The following TRABD variants were observed in gnomAD, a reference collection of about 807,000 sequenced individuals.
The protein encoded by TRABD is traB domain-containing protein.
In TRABD, 23 loss-of-function variants were observed where a neutral mutation model predicts 39.6. That is an observed-to-expected ratio of 0.58 (90% confidence interval 0.42 to 0.82). The LOEUF (loss-of-function observed/expected upper bound fraction) is 0.82, where lower values mean the gene tolerates loss of function less well. Ranked by LOEUF, TRABD falls within the 40% of genes least tolerant of loss-of-function variation. The pLI is 0.00. For missense variants in TRABD, 487 were observed against 544.9 expected (o/e 0.89, Z 1.06); for synonymous variants, 243 against 232.1 (o/e 1.05, Z -0.43).
At chr22:50,188,536 C>T (rs902404451) in intron 1 of TRABD, among the ~76,000 whole-genome samples, 1 of 152,232 alleles carries the variant, frequency 6.6e-6, no homozygotes, top group Non-Finnish European at 1.5e-5. Flanking sequence ...AGACGGGCCC[C>T]CGCGGCGTCC....
chr22:50,197,710 G>T lies in TRABD; in HGVS notation c.672-113G>T, dbSNP rs193274007. The T allele has an allele frequency of 2.9e-4, 456 of 1,567,552 alleles. 4 individuals carry two copies. The East Asian group carries it at 9.8e-3, about 34-fold the overall frequency. ...AAGGCCTTCCCTGCCCTTTCCTTCC[G>T]CCACAAATCCCAAACAAACGTGCTG... On this transcript the variant is annotated intron_variant, in intron 7 of 9. Coordinates refer to ENST00000380909, the MANE Select transcript of TRABD (RefSeq NM_001320485.2).
rs188671157 is a variant in TRABD at position 50,191,034 on chromosome 22, C to T, written c.-34-1993C>T. Among the ~76,000 whole-genome samples the T allele has an allele frequency of 1.1e-3, 170 of 152,346 alleles. 3 individuals are homozygous for T. Among genetic ancestry groups the T allele is most frequent in the Admixed American group, 0.01 (158 of 15,308 alleles). ...GGAGCCTGCCTGTGGAGCGGGCCCC[C>T]CTTGCCCTCTGCAGAGGCTCAAGGC... On this transcript the variant is annotated intron_variant, in intron 1 of 9. Transcript: ENST00000380909.
chr22:50,194,285 C>G (rs369827652), intron 3 of TRABD, 55 bp from the exon 4 acceptor site: 2 of 1,580,954 alleles, frequency 1.3e-6, no homozygotes, highest in Non-Finnish European at 1.7e-6. Flanking sequence ...CCAGCGGGCC[C>G]GGCGGCGTCC....
Position 50,199,383 on chromosome 22 carries a change from C to T in TRABD, c.*864C>T, listed in dbSNP as rs1602480220. 2.6e-6 allele frequency: 1 copy of T among 390,758 alleles called. No homozygotes were observed. 24.2% of individuals were successfully genotyped at this position (390,758 alleles called of 1,614,324 possible). A position where few individuals can be genotyped will look rare whatever the true frequency, so the allele number is the denominator to read the frequency against. On this transcript the variant is annotated 3_prime_UTR_variant, in exon 10 of 10. Coordinates refer to ENST00000380909, the MANE Select transcript of TRABD (RefSeq NM_001320485.2). The stretch of plus-strand genomic sequence containing the variant: ...GGCCAGGCCTGTCCCGCTCAGGCCC[C>T]CTGCCCGGCGGCCGTCTGTGTGCGG...
intron 1 of TRABD, among the ~76,000 whole-genome samples, chr22:50,189,993 T>C (rs2063854186): frequency 6.6e-6 from 1 of 152,188 alleles, no homozygotes; most frequent in Admixed American, 6.5e-5. Context: ...CAGCCATAAA[T>C]GTCTGAGAGC....
chr22:50,197,555 C>G lies in TRABD; in HGVS notation c.638C>G (p.Ala213Gly). 5.0e-6 allele frequency: 8 copies of G among 1,613,472 alleles called. No homozygotes were observed. Among genetic ancestry groups the G allele is most frequent in the Non-Finnish European group, 6.8e-6 (8 of 1,180,028 alleles). The change falls in exon 7 of 10, where the codon GCT (alanine) becomes GGT (glycine). Residue 213 changes from alanine to glycine, a missense_variant. Ala to Gly is a moderately conservative substitution (Grantham distance 60). This residue lies in a region of TRABD where 358 missense variants were observed against 414.7 expected (regional missense o/e 0.86). Transcript: ENST00000380909. ...ALSFWQKVRL[A>G]WGLCFLSDPI... is the part of the protein sequence containing the mutation. ...TCCTTCTGGCAGAAGGTCAGGCTGG[C>G]TTGGGGCCTGTGCTTCCTGTCAGAC...
rs2064198267 is a variant in TRABD at position 50,198,289 on chromosome 22, G to GC, written c.957-55dup. On this transcript the variant is annotated intron_variant, in intron 9 of 9. Coordinates refer to ENST00000380909, the MANE Select transcript of TRABD (RefSeq NM_001320485.2). The surrounding 1 kb of genome is among the most constrained non-coding windows in gnomAD (Gnocchi z 7.9). ...ATGCGGCAGTGACCCAGGCATGGGG[G>GC]CTGGGGTATGGGGAGCCCACCCCCA... 6.6e-7 allele frequency: 1 copy of GC among 1,515,134 alleles called. No homozygotes were observed. Among genetic ancestry groups the GC allele is most frequent in the Non-Finnish European group, 9.0e-7 (1 of 1,116,836 alleles). The allele number at this position is 1,515,134 out of a possible 1,614,324, so 93.9% of individuals were successfully genotyped here.
chr22:50,193,490 A>G (rs1039131293), intron 2 of TRABD, 86 bp from the exon 3 acceptor site: 12 of 1,300,530 alleles, frequency 9.2e-6, no homozygotes, highest in African/African-American at 1.5e-5. Context: ...GTCCCTTTCC[A>G]GGGTACGTGG....
At chr22:50,195,107 A>G in intron 5 of TRABD, 67 bp downstream of exon 5, 1 of 1,490,260 alleles carries the variant, frequency 6.7e-7, no homozygotes, top group Non-Finnish European at 8.9e-7. Flanking sequence ...CCTGTTGCCC[A>G]GGTTCCTCTC....
chr22:50,196,328 G>A (rs563496011), intron 5 of TRABD, among the ~76,000 whole-genome samples: 36 of 152,232 alleles, frequency 2.4e-4, no homozygotes, highest in Non-Finnish European at 2.9e-4. Context: ...GGGAAACACG[G>A]GCACTCCATC....
intron 7 of TRABD, 79 bp downstream of exon 7, chr22:50,197,667 C>G: frequency 6.3e-7 from 1 of 1,584,208 alleles, no homozygotes; most frequent in Non-Finnish European, 8.6e-7. Context: ...CAGGTCCAAG[C>G]GCAGCCAATC....
chr22:50,197,763 A>AGGGCCCCCCCCCCCCCCCCCCCG, intron 7 of TRABD, 60 bp from the exon 8 acceptor site: 1 of 1,439,780 alleles, frequency 6.9e-7, no homozygotes, highest in Non-Finnish European at 9.7e-7. Flanking sequence ...CCACAGTGCC[A>AGGGCCCCCCCCCCCCCCCCCCCG]GCCCCACCCC....
rs771995856 is a variant in TRABD at position 50,199,079 on chromosome 22, G to C, written c.*560G>C. 2 of 714,762 alleles carry C rather than the reference G, an allele frequency of 2.8e-6. No homozygotes were observed. The highest frequency in any genetic ancestry group is 5.4e-5 in the East Asian group (2 of 37,274). The allele number at this position is 714,762 out of a possible 1,614,324, so 44.3% of individuals were successfully genotyped here. On this transcript the variant is annotated 3_prime_UTR_variant, in exon 10 of 10. Coordinates refer to ENST00000380909, the MANE Select transcript of TRABD (RefSeq NM_001320485.2). ...ATTCTGTGTTTTTGGCTTTTTTAAT[G>C]TCTTAAAATCTTTTACTCAGGTAAT...
At chr22:50,186,641 G>A (rs961416212) in intron 1 of TRABD, among the ~76,000 whole-genome samples, 3 of 152,152 alleles carry the variant, frequency 2.0e-5, no homozygotes, top group Non-Finnish European at 4.4e-5. Context: ...GGGGGTGCTG[G>A]GGGAGGCCGA....
At position 50,198,469 on chromosome 22, in the gene TRABD, C is replaced by G; in HGVS notation, c.1081C>G (p.Pro361Ala). The part of the protein sequence containing the change: ...RRTASLVLSL[P>A]AAQYCLQRVT... ...CACCGCGAGCCTGGTCCTGTCGCTGCCCGCCGCGCAGTACTGCCTGCAGAG... is the reference window on the plus strand; with the variant it reads ...CACCGCGAGCCTGGTCCTGTCGCTGGCCGCCGCGCAGTACTGCCTGCAGAG... The change falls in exon 10 of 10, where the codon CCC (proline) becomes GCC (alanine). Residue 361 changes from proline (P) to alanine (A), a missense_variant. Physicochemically the swap from Pro to Ala is conservative, Grantham distance 27 (BLOSUM62 -1). Around this residue, in one of 3 missense-constraint regions of TRABD, gnomAD observed 123 missense variants for 108.3 expected, o/e 1.14. Coordinates refer to ENST00000380909, the MANE Select transcript of TRABD (RefSeq NM_001320485.2). The surrounding 1 kb of genome is among the most constrained non-coding windows in gnomAD (Gnocchi z 7.9). The G allele has an allele frequency of 1.9e-6, 3 of 1,595,172 alleles. No homozygotes were observed. The highest frequency in any genetic ancestry group is 2.5e-6 in the Non-Finnish European group (3 of 1,176,584).
At chr22:50,194,671 G>A (rs2064034862) in intron 4 of TRABD, among the ~76,000 whole-genome samples, 165 bp downstream of exon 4, 1 of 152,274 alleles carries the variant, frequency 6.6e-6, no homozygotes, top group Non-Finnish European at 1.5e-5. Context: ...TTCCTGCCTG[G>A]GAGCCGTGAC....
chr22:50,197,764 G>GCCCCCCCCCCCCCCCCCCATT, intron 7 of TRABD, 59 bp from the exon 8 acceptor site: 1 of 1,284,796 alleles, frequency 7.8e-7, no homozygotes. Flanking sequence ...CACAGTGCCA[G>GCCCCCCCCCCCCCCCCCCATT]CCCCACCCCC....
Position 50,194,974 on chromosome 22 carries a change from C to G in TRABD, c.354C>G (p.Asp118Glu). Residue 118 changes from aspartate to glutamate, a missense_variant, in exon 5 of 10, where the codon GAC becomes GAG. This residue lies in a region of TRABD where 358 missense variants were observed against 414.7 expected (regional missense o/e 0.86). Coordinates refer to ENST00000380909, the MANE Select transcript of TRABD (RefSeq NM_001320485.2). ...ATCGTGTGTCCATGCTGAAGATGGACGAGAGCACGCTGCTGCGGGAGGCCC... is the reference window on the plus strand; with the variant it reads ...ATCGTGTGTCCATGCTGAAGATGGAGGAGAGCACGCTGCTGCGGGAGGCCC... ...CQYRVSMLKM[D>E]ESTLLREAQE... 1 of 1,612,028 alleles carries G rather than the reference C, an allele frequency of 6.2e-7. No homozygotes were observed. Among genetic ancestry groups the G allele is most frequent in the Non-Finnish European group, 8.5e-7 (1 of 1,179,866 alleles).
In TRABD at chr22:50,194,893, G is replaced by A. The variant is rs1365224229; in HGVS notation, c.280-7G>A. The A allele has an allele frequency of 6.2e-7, 1 of 1,611,782 alleles. No individual in the cohort carries two copies. The highest frequency in any genetic ancestry group is 1.7e-5 in the Admixed American group (1 of 59,946). ...TGTTCTCGAGGTGTGACCTGTGGCT[G>A]TTGCAGACCATCCGGGAGGTGCAGC... On this transcript the variant is annotated splice_region_variant and splice_polypyrimidine_tract_variant and intron_variant, in intron 4 of 9. Coordinates refer to ENST00000380909, the MANE Select transcript of TRABD (RefSeq NM_001320485.2).
Sources: gnomAD v4.1 joint callset for allele counts (sites outside exome capture counted in the v4.1 genomes callset) on GRCh38, gnomAD v4.1.1 for gene constraint, gnomAD v4.1.1 regional missense constraint, Gnocchi (gnomAD v3.1) non-coding constraint, MANE v1.5 for transcripts, NCBI Gene and HGNC (gene_info 2026-07-23, HGNC 2026-07-21) for gene names.